The following AGK variants were observed in gnomAD, a reference collection of about 807,000 sequenced individuals.
The protein encoded by AGK is acylglycerol kinase, also known as acylglycerol kinase, mitochondrial.
A neutral mutation model predicts 66.4 loss-of-function variants in AGK; 52 were observed. The ratio of observed to expected loss-of-function variants is 0.78; its 90% CI spans 0.63 to 0.99. The LOEUF (loss-of-function observed/expected upper bound fraction) is 0.99. Ranked by LOEUF, AGK falls within the 50% of genes least tolerant of loss-of-function variation. The pLI is 0.00. For synonymous variants in AGK, 182 were observed against 181.1 expected (o/e 1.00, Z -0.04); for missense variants, 451 against 506.6 (o/e 0.89, Z 1.05).
intron 9 of AGK, 98 bp from the exon 10 acceptor site, chr7:141,633,803 G>T (rs1436349659): frequency 1.9e-6 from 2 of 1,070,056 alleles, no homozygotes; most frequent in Non-Finnish European, 2.9e-6. Flanking sequence ...ATTTTGGTTT[G>T]ATGAAAAGTA....
intron 13 of AGK, among the ~76,000 whole-genome samples, chr7:141,648,634 G>C (rs1251335067): frequency 6.6e-6 from 1 of 152,220 alleles, no homozygotes; most frequent in East Asian, 1.9e-4. Flanking sequence ...GCTAGTCACT[G>C]ACTGGTAGCA....
chr7:141,641,672 A>G (rs1797293906), intron 12 of AGK, 139 bp from the exon 13 acceptor site: 1 of 757,344 alleles, frequency 1.3e-6, no homozygotes, highest in Non-Finnish European at 2.2e-6. Flanking sequence ...TATGTATAAG[A>G]AGCATGAAAT....
chr7:141,623,328 G>T (rs573077705), intron 9 of AGK, among the ~76,000 whole-genome samples: 1 of 148,710 alleles, frequency 6.7e-6, no homozygotes, highest in African/African-American at 2.5e-5. Flanking sequence ...GCGGTGAGCC[G>T]AGATCGCGCC....
chr7:141,620,622 C>T lies in AGK; in HGVS notation c.519-1110C>T, dbSNP rs370230833. Among the ~76,000 whole-genome samples, 4 of 152,208 alleles carry T rather than the reference C, an allele frequency of 2.6e-5. No individual in the cohort carries two copies. The South Asian group carries it at 8.3e-4, about 32-fold the overall frequency. ...CCAGTGCCAGGGTAGGAAAACCTGA[C>T]CTGTAATTGATAAATTGCTGAAGCT... On this transcript the variant is annotated intron_variant, in intron 8 of 15. Coordinates refer to ENST00000649286, the MANE Select transcript of AGK (RefSeq NM_018238.4).
chr7:141,570,499 A>T (rs1052574705), intron 2 of AGK, among the ~76,000 whole-genome samples: 44 of 152,206 alleles, frequency 2.9e-4, no homozygotes, highest in African/African-American at 1.1e-3. Flanking sequence ...TTAATTTAAA[A>T]AACTTTTTAT....
intron 2 of AGK, among the ~76,000 whole-genome samples, chr7:141,563,072 G>A (rs770547792): frequency 2.0e-5 from 3 of 152,156 alleles, no homozygotes; most frequent in African/African-American, 7.2e-5. Context: ...GGGGAATCAC[G>A]GTTTTTCGTC....
chr7:141,584,389 T>C (rs1316803493), intron 2 of AGK, among the ~76,000 whole-genome samples: 2 of 152,188 alleles, frequency 1.3e-5, no homozygotes, highest in African/African-American at 4.8e-5. Flanking sequence ...TGGACGCATA[T>C]ACATGCAGGT....
At chr7:141,578,630 T>A (rs1795808538) in intron 2 of AGK, among the ~76,000 whole-genome samples, 1 of 150,790 alleles carries the variant, frequency 6.6e-6, no homozygotes, top group Non-Finnish European at 1.5e-5. Flanking sequence ...GAACCTAGAG[T>A]GGGAGAGGTC....
chr7:141,615,383 T>C (rs1283011248), intron 7 of AGK, 88 bp from the exon 8 acceptor site: 1 of 1,012,410 alleles, frequency 9.9e-7, no homozygotes, highest in Non-Finnish European at 1.5e-6. Flanking sequence ...GGGTCAGTTA[T>C]TTGTCATAGT....
intron 2 of AGK, among the ~76,000 whole-genome samples, chr7:141,557,438 C>T (rs1311799475): frequency 1.3e-5 from 2 of 152,216 alleles, no homozygotes; most frequent in African/African-American, 4.8e-5. Flanking sequence ...CCTCAAGGCC[C>T]CTTTGCTGGA....
chr7:141,652,991 C>T lies in AGK; in HGVS notation c.*67C>T. On this transcript the variant is annotated 3_prime_UTR_variant, in exon 16 of 16. Coordinates refer to ENST00000649286, the MANE Select transcript of AGK (RefSeq NM_018238.4). The stretch of plus-strand genomic sequence containing the variant: ...CGGTGGGACCAAAAGGGAACAGGTG[C>T]CTCAGCCATCCCAACAGTGTCGTCA... 1.9e-6 allele frequency: 3 copies of T among 1,587,558 alleles called. No homozygotes were observed. The highest frequency in any genetic ancestry group is 1.7e-5 in the Admixed American group (1 of 59,030).
intron 2 of AGK, among the ~76,000 whole-genome samples, chr7:141,573,172 G>A (rs1795649894): frequency 6.6e-6 from 1 of 152,108 alleles, no homozygotes; most frequent in South Asian, 2.1e-4. Context: ...TGCTGAAATT[G>A]GGGTATTAAT....
chr7:141,588,864 A>G (rs1796048027), intron 2 of AGK, among the ~76,000 whole-genome samples: 1 of 152,158 alleles, frequency 6.6e-6, no homozygotes, highest in African/African-American at 2.4e-5. Flanking sequence ...TGGTGCTGGC[A>G]GGAGTGTCTT....
chr7:141,554,095 T>G (rs912700469), intron 1 of AGK, among the ~76,000 whole-genome samples: 4 of 152,106 alleles, frequency 2.6e-5, no homozygotes, highest in African/African-American at 9.7e-5. Flanking sequence ...ATCCCAGCAA[T>G]TTGGATGGCC....
chr7:141,604,912 ACAT>A (rs1220164844), intron 5 of AGK, among the ~76,000 whole-genome samples: 1 of 152,100 alleles, frequency 6.6e-6, no homozygotes, highest in Non-Finnish European at 1.5e-5. Context: ...ATCTGGGATC[ACAT>A]ATTGTATTTA....
At chr7:141,645,581 C>T (rs888369570) in intron 13 of AGK, among the ~76,000 whole-genome samples, 6 of 152,156 alleles carry the variant, frequency 3.9e-5, no homozygotes, top group African/African-American at 1.2e-4. Flanking sequence ...ATAGAAGTAG[C>T]AGTAACAGGA....
intron 13 of AGK, among the ~76,000 whole-genome samples, chr7:141,648,134 C>T (rs1797462662): frequency 6.6e-6 from 1 of 152,178 alleles, no homozygotes; most frequent in South Asian, 2.1e-4. Context: ...CACGGGACCC[C>T]CTTTTTCATA....
chr7:141,651,521 A>C lies in AGK; in HGVS notation c.1047-4A>C, dbSNP rs749906492. ...CTTAAGCTTGCTTTTTCCTGTGCTCACAGAAGTCGAAAGGTGAGAAACCCC... is the reference window on the plus strand; with the variant it reads ...CTTAAGCTTGCTTTTTCCTGTGCTCCCAGAAGTCGAAAGGTGAGAAACCCC... On this transcript the variant is annotated splice_region_variant and splice_polypyrimidine_tract_variant and intron_variant, in intron 14 of 15. Transcript: ENST00000649286. The C allele has an allele frequency of 5.0e-6, 8 of 1,614,052 alleles. No individual in the cohort carries two copies. The African/African-American group carries it at 1.1e-4, about 22-fold the overall frequency.
intron 2 of AGK, among the ~76,000 whole-genome samples, chr7:141,591,097 T>G (rs1297371627): frequency 1.5e-5 from 2 of 137,684 alleles, no homozygotes; most frequent in African/African-American, 2.8e-5. Context: ...TTTTTTTTTT[T>G]TTTTTTTTTT....
Sources: allele counts gnomAD v4.1 joint callset (sites outside exome capture counted in the v4.1 genomes callset), GRCh38; gene constraint gnomAD v4.1.1; transcripts MANE v1.5; gene names NCBI Gene and HGNC (gene_info 2026-07-23, HGNC 2026-07-21).